Variants in MAP2K5 observed in about 807,000 individuals in gnomAD.
MAP2K5 encodes the protein mitogen-activated protein kinase kinase 5, also known as dual specificity mitogen-activated protein kinase kinase 5.
Under a neutral mutation model 83.1 loss-of-function variants are expected in MAP2K5, and 49 were observed. That is an observed-to-expected ratio of 0.59 (90% CI 0.47 to 0.75). MAP2K5 has a LOEUF of 0.75. Ranked by LOEUF, MAP2K5 falls within the 30% of genes least tolerant of loss-of-function variation. The probability of loss-of-function intolerance (pLI) is 0.00; values close to 1 mark genes in which losing one functional copy is unlikely to be tolerated. For missense variants in MAP2K5, 457 were observed against 557.5 expected (o/e 0.82, Z 1.82); for synonymous variants, 202 against 191.8 (o/e 1.05, Z -0.44).
chr15:67,684,582 G>A (rs538220312), intron 13 of MAP2K5, among the ~76,000 whole-genome samples: 2 of 152,228 alleles, frequency 1.3e-5, no homozygotes, highest in East Asian at 3.9e-4. Context: ...TTTTTCTTCT[G>A]ATTATGGATG....
chr15:67,578,686 G>T (rs2085114189), intron 3 of MAP2K5, among the ~76,000 whole-genome samples: 1 of 151,942 alleles, frequency 6.6e-6, no homozygotes, highest in Admixed American at 6.6e-5. Flanking sequence ...TTCTCACAAT[G>T]ATTATAAAAG....
At chr15:67,733,231 G>A (rs139196381) in intron 17 of MAP2K5, among the ~76,000 whole-genome samples, 14 of 152,220 alleles carry the variant, frequency 9.2e-5, no homozygotes, top group African/African-American at 2.2e-4. Context: ...TTATACAACC[G>A]CCAGCGGAAT....
Position 67,793,426 on chromosome 15 carries a change from G to A in MAP2K5, c.1243-13220G>A, listed in dbSNP as rs2090551769. Reference sequence around the variant, plus strand: ...CCCAAGCTGGTTTTTTGTTTTTGTTGTATAGTTTTGCTAGTAGATGTCATT... The same window carrying A: ...CCCAAGCTGGTTTTTTGTTTTTGTTATATAGTTTTGCTAGTAGATGTCATT... On this transcript the variant is annotated intron_variant, in intron 21 of 21. Coordinates refer to ENST00000178640, the MANE Select transcript of MAP2K5 (RefSeq NM_145160.3). This position sits in a 1 kb window ranked among gnomAD's most constrained non-coding sequence, Gnocchi z 4.6. Among the ~76,000 whole-genome samples, 1 of 152,154 alleles carries A rather than the reference G, an allele frequency of 6.6e-6. No homozygotes were observed. Among genetic ancestry groups the A allele is most frequent in the African/African-American group, 2.4e-5 (1 of 41,430 alleles).
chr15:67,703,404 T>C lies in MAP2K5; in HGVS notation c.1040T>C (p.Met347Thr), dbSNP rs1455699908. 1.2e-6 allele frequency: 2 copies of C among 1,612,736 alleles called. No individual in the cohort carries two copies. Among genetic ancestry groups the C allele is most frequent in the African/African-American group, 1.3e-5 (1 of 74,998 alleles). Residue 347 changes from methionine to threonine, a missense_variant, in exon 16 of 22, where the codon ATG (methionine) becomes ACG (threonine). Around this residue, in one of 3 missense-constraint regions of MAP2K5, gnomAD observed 168 missense variants for 263.0 expected, o/e 0.64. Transcript: ENST00000178640. ...SDVWSLGISF[M>T]ELALGRFPYP... ...GTCTGGAGCTTAGGAATCTCTTTTA[T>C]GGAGGTACGTTGTTTGCACATAGAC... is the stretch of plus-strand genomic sequence containing the variant.
chr15:67,725,151 C>T (rs758950018), intron 16 of MAP2K5, among the ~76,000 whole-genome samples: 20 of 152,190 alleles, frequency 1.3e-4, no homozygotes, highest in Non-Finnish European at 2.4e-4. Flanking sequence ...CAGAGAGGCT[C>T]CCAGCTGACC....
At chr15:67,630,485 G>T (rs1244397158) in intron 8 of MAP2K5, among the ~76,000 whole-genome samples, 1 of 151,644 alleles carries the variant, frequency 6.6e-6, no homozygotes, top group Non-Finnish European at 1.5e-5. Flanking sequence ...AAATGGCTCT[G>T]TACACTGCTT....
intron 8 of MAP2K5, among the ~76,000 whole-genome samples, chr15:67,626,214 TA>T (rs1242008917): frequency 6.6e-6 from 1 of 152,228 alleles, no homozygotes; most frequent in Non-Finnish European, 1.5e-5. Context: ...ATAAACTTAC[TA>T]ATTTCCTTTA....
chr15:67,729,219 G>A (rs890708853), intron 17 of MAP2K5, among the ~76,000 whole-genome samples: 11 of 152,258 alleles, frequency 7.2e-5, no homozygotes, highest in African/African-American at 2.6e-4. Flanking sequence ...TAGCTCATTA[G>A]AATATTTATC....
chr15:67,715,936 T>A (rs963355983), intron 16 of MAP2K5, among the ~76,000 whole-genome samples: 5 of 152,196 alleles, frequency 3.3e-5, no homozygotes, highest in Non-Finnish European at 5.9e-5. Context: ...TGGGGACACA[T>A]AAGTAGGGAC....
At chr15:67,599,390 T>A (rs2085601675) in intron 7 of MAP2K5, among the ~76,000 whole-genome samples, 1 of 152,216 alleles carries the variant, frequency 6.6e-6, no homozygotes. Context: ...CTGTCAATAT[T>A]CTTTTAAGGA....
chr15:67,608,710 G>T (rs1234612082), intron 8 of MAP2K5, among the ~76,000 whole-genome samples: 1 of 152,162 alleles, frequency 6.6e-6, no homozygotes, highest in Non-Finnish European at 1.5e-5. Flanking sequence ...AGTCTGAAGG[G>T]CATTTCTGTA....
Position 67,718,618 on chromosome 15 carries a change from G to A in MAP2K5, c.1045-9298G>A, listed in dbSNP as rs565382641. ...GTCTCTACTAAAAATACAAAAATTA[G>A]CCAGGCGTGGTGGTATGCACCTGTA... On this transcript the variant is annotated intron_variant, in intron 16 of 21. Transcript: ENST00000178640. Among the ~76,000 whole-genome samples, 32 of 152,172 alleles carry A rather than the reference G, an allele frequency of 2.1e-4. No individual in the cohort carries two copies. In the East Asian group the frequency reaches 3.7e-3, roughly 17 times the overall value.
In MAP2K5 at chr15:67,766,094, G is replaced by A. The variant is rs191991386; in HGVS notation, c.1135-3508G>A. Among the ~76,000 whole-genome samples, 117 of 152,242 alleles carry A rather than the reference G, an allele frequency of 7.7e-4. 1 individual carries two copies. The highest frequency in any genetic ancestry group is 1.5e-3 in the Non-Finnish European group (104 of 68,020). On this transcript the variant is annotated intron_variant, in intron 19 of 21. Transcript: ENST00000178640. ...CCAGGTAGTTACTGAAACCTCTGAGGCTTGGAAACTGTCCTCCTCGATGAC... is the reference window on the plus strand; with the variant it reads ...CCAGGTAGTTACTGAAACCTCTGAGACTTGGAAACTGTCCTCCTCGATGAC...
At chr15:67,595,751 T>C (rs1026233538) in intron 7 of MAP2K5, among the ~76,000 whole-genome samples, 1 of 152,192 alleles carries the variant, frequency 6.6e-6, no homozygotes. Flanking sequence ...AATCAGAAGA[T>C]ATTTTTGGCA....
At chr15:67,589,724 A>G (rs1043414057) in intron 6 of MAP2K5, among the ~76,000 whole-genome samples, 1 of 152,038 alleles carries the variant, frequency 6.6e-6, no homozygotes, top group Non-Finnish European at 1.5e-5. Context: ...ATCAACTGGG[A>G]GTCATTTGTG....
intron 17 of MAP2K5, among the ~76,000 whole-genome samples, chr15:67,739,153 G>A (rs2089411904): frequency 1.3e-5 from 2 of 151,556 alleles, no homozygotes; most frequent in South Asian, 2.1e-4. Context: ...GGTGGCATAT[G>A]CCTATAGTCC....
chr15:67,726,903 A>G lies in MAP2K5; in HGVS notation c.1045-1013A>G, dbSNP rs556998390. 2.6e-4 allele frequency among the ~76,000 whole-genome samples: 39 copies of G among 152,306 alleles called. 1 individual carries two copies. In the East Asian group the frequency reaches 4.1e-3, roughly 16 times the overall value. The stretch of plus-strand genomic sequence containing the variant: ...TAAATAGGTTTTTGTATGTTTGTTA[A>G]ATTTTATCTTTTTGGCCAGGTTCAA... On this transcript the variant is annotated intron_variant, in intron 16 of 21. Transcript: ENST00000178640.
intron 19 of MAP2K5, among the ~76,000 whole-genome samples, chr15:67,752,920 G>A (rs1425905501): frequency 1.3e-5 from 2 of 150,388 alleles, no homozygotes; most frequent in African/African-American, 2.4e-5. Flanking sequence ...AGAAAACAAT[G>A]TTGCAAGATT....
chr15:67,636,057 A>T lies in MAP2K5; in HGVS notation c.585+5130A>T, dbSNP rs182294768. On this transcript the variant is annotated intron_variant, in intron 9 of 21. Transcript: ENST00000178640. This position sits in a 1 kb window ranked among gnomAD's most constrained non-coding sequence, Gnocchi z 4.7. The stretch of plus-strand genomic sequence containing the variant: ...GGGCTCAAGCAATCCACCCGCCTCC[A>T]CCTATCAAAGTGCTGGGATTACAGG... Among the ~76,000 whole-genome samples, 184 of 151,996 alleles carry T rather than the reference A, an allele frequency of 1.2e-3. No individual in the cohort carries two copies. Among genetic ancestry groups the T allele is most frequent in the Admixed American group, 2.8e-3 (43 of 15,280 alleles).
Sources: allele counts gnomAD v4.1 joint callset (sites outside exome capture counted in the v4.1 genomes callset), GRCh38; gene constraint gnomAD v4.1.1; regional missense constraint gnomAD v4.1.1; non-coding constraint Gnocchi (gnomAD v3.1); transcripts MANE v1.5; gene names NCBI Gene and HGNC (gene_info 2026-07-23, HGNC 2026-07-21).